NAALADL2: variants seen among roughly 807,000 people sequenced by gnomAD.
NAALADL2 encodes inactive N-acetylated-alpha-linked acidic dipeptidase-like protein 2.
A neutral mutation model predicts 87.2 loss-of-function variants in NAALADL2; 76 were observed. The observed-to-expected ratio is 0.87, with a 90% confidence interval of 0.72 to 1.05. NAALADL2 has a LOEUF of 1.05. NAALADL2 is among the 50% of genes least tolerant of loss of function. The pLI is 0.00. For synonymous variants in NAALADL2, 354 were observed against 331.0 expected, an observed-to-expected ratio of 1.07 and a Z score of -0.75; for missense variants, 1,089 against 945.8, an observed-to-expected ratio of 1.15 and a Z score of -1.99.
At chr3:174,987,595 A>T (rs964331648) in intron 1 of NAALADL2, among the ~76,000 whole-genome samples, 2,968 of 141,966 alleles carry the variant, frequency 0.021, 230 homozygotes, top group African/African-American at 0.077. Context: ...AAAAAAAAAA[A>T]AAACAATACT....
intron 5 of NAALADL2, among the ~76,000 whole-genome samples, chr3:175,366,416 T>C (rs1214848393): frequency 6.6e-6 from 1 of 151,842 alleles, no homozygotes; most frequent in African/African-American, 2.4e-5. Flanking sequence ...TAGTTCTAGA[T>C]CCCTGAGAAA....
intron 4 of NAALADL2, among the ~76,000 whole-genome samples, chr3:175,314,194 G>C (rs931314959): frequency 1.3e-5 from 2 of 151,492 alleles, no homozygotes; most frequent in Non-Finnish European, 2.9e-5. Context: ...CTAGTACCAT[G>C]TATTTCAGAG....
At chr3:175,209,328 T>A (rs1049094898) in intron 2 of NAALADL2, among the ~76,000 whole-genome samples, 1 of 152,092 alleles carries the variant, frequency 6.6e-6, no homozygotes, top group Non-Finnish European at 1.5e-5. Context: ...GATGCTATAT[T>A]CCGTCTATCC....
intron 6 of NAALADL2, chr3:175,460,235 T>C: frequency 2.2e-6 from 1 of 454,792 alleles, no homozygotes; most frequent in Non-Finnish European, 4.4e-6. Context: ...AAATTTAAAA[T>C]GTGATCATGG....
At chr3:175,159,278 G>T (rs1732772785) in intron 2 of NAALADL2, among the ~76,000 whole-genome samples, 1 of 151,976 alleles carries the variant, frequency 6.6e-6, no homozygotes, top group Admixed American at 6.6e-5. Flanking sequence ...GAAAGTCTTG[G>T]GTTTGATTGA....
intron 13 of NAALADL2, among the ~76,000 whole-genome samples, chr3:175,789,661 T>C (rs550072618): frequency 6.6e-6 from 1 of 152,242 alleles, no homozygotes; most frequent in African/African-American, 2.4e-5. Context: ...CTTTTATTCT[T>C]CTCTATTTAG....
intron 3 of NAALADL2, among the ~76,000 whole-genome samples, chr3:174,779,924 T>TG (rs1334763628): frequency 2.2e-5 from 1 of 45,522 alleles, no homozygotes; most frequent in East Asian, 3.4e-4. Flanking sequence ...CCAGCTTTGT[T>TG]CTTTTGCTTA....
At chr3:174,720,995 T>C (rs1731662435) in intron 2 of NAALADL2, among the ~76,000 whole-genome samples, 1 of 152,238 alleles carries the variant, frequency 6.6e-6, no homozygotes, top group Non-Finnish European at 1.5e-5. Flanking sequence ...CAGACTGTTG[T>C]TGAATTTAAA....
At chr3:175,378,758 A>C (rs1767450665) in intron 5 of NAALADL2, among the ~76,000 whole-genome samples, 1 of 152,164 alleles carries the variant, frequency 6.6e-6, no homozygotes, top group African/African-American at 2.4e-5. Flanking sequence ...TCATTTCAGG[A>C]TTCAAAACAT....
chr3:175,390,713 A>T (rs1768966481), intron 5 of NAALADL2, among the ~76,000 whole-genome samples: 1 of 151,816 alleles, frequency 6.6e-6, no homozygotes, highest in African/African-American at 2.4e-5. Context: ...ATAAATAGAA[A>T]CTCCCTTTAT....
chr3:175,672,822 G>A (rs1734186294), intron 11 of NAALADL2, among the ~76,000 whole-genome samples: 1 of 152,086 alleles, frequency 6.6e-6, no homozygotes, highest in African/African-American at 2.4e-5. Context: ...TGATAATCTT[G>A]TAAATATAGC....
At position 175,342,004 on chromosome 3, in the gene NAALADL2, A is replaced by G. The variant is rs559147027; in HGVS notation, c.1090+17679A>G. Among the ~76,000 whole-genome samples the G allele has an allele frequency of 2.6e-5, 4 of 152,180 alleles. No homozygotes were observed. The South Asian group carries it at 8.3e-4, about 32-fold the overall frequency. ...CATAGATGTATGGGTTAATTTATGTATTATTTCTATTCATATTGATCTATA... is the reference window on the plus strand; with the variant it reads ...CATAGATGTATGGGTTAATTTATGTGTTATTTCTATTCATATTGATCTATA... On this transcript the variant is annotated intron_variant, in intron 5 of 13. Transcript: ENST00000454872.
At chr3:175,566,899 G>T in intron 9 of NAALADL2, among the ~76,000 whole-genome samples, 2 of 152,090 alleles carry the variant, frequency 1.3e-5, no homozygotes, top group Middle Eastern at 3.4e-3. Context: ...ATAATTTTAC[G>T]TAGTAGGACT....
intron 5 of NAALADL2, among the ~76,000 whole-genome samples, chr3:175,380,734 G>A (rs539666650): frequency 1.3e-5 from 2 of 152,064 alleles, no homozygotes; most frequent in East Asian, 1.9e-4. Flanking sequence ...TTGAGAAACT[G>A]CAAAAAATAT....
intron 9 of NAALADL2, among the ~76,000 whole-genome samples, chr3:175,532,411 G>C (rs1734207413): frequency 6.6e-6 from 1 of 152,160 alleles, no homozygotes; most frequent in South Asian, 2.1e-4. Context: ...TTCCTCAAGG[G>C]GACTTGGCTT....
Position 175,083,476 on chromosome 3 carries a change from A to AAAT in NAALADL2, c.44-13314_44-13313insAAT, listed in dbSNP as rs540022879. Among the ~76,000 whole-genome samples, 6 of 152,294 alleles carry AAAT rather than the reference A, an allele frequency of 3.9e-5. No individual in the cohort carries two copies. The South Asian group carries it at 6.2e-4, about 16-fold the overall frequency. ...TATTAATAACTAGTACTTAAACCAC[A>AAAT]CATTTATAAAATGATTTCATTTAGT... On this transcript the variant is annotated intron_variant, in intron 1 of 13. Coordinates refer to ENST00000454872, the MANE Select transcript of NAALADL2 (RefSeq NM_207015.3).
chr3:174,921,083 A>G (rs9836313), intron 1 of NAALADL2, among the ~76,000 whole-genome samples: 33,621 of 152,148 alleles, frequency 0.22, 3,904 homozygotes, highest in East Asian at 0.35. Context: ...TGAAGAAACT[A>G]AAAATATTGT....
intron 2 of NAALADL2, among the ~76,000 whole-genome samples, chr3:174,585,922 T>C (rs1716663784): frequency 6.6e-6 from 1 of 152,196 alleles, no homozygotes; most frequent in South Asian, 2.1e-4. Context: ...ACCTGCCCTA[T>C]GCTTCTATTT....
chr3:175,609,242 A>T (rs1724239740), intron 10 of NAALADL2, among the ~76,000 whole-genome samples: 1 of 152,210 alleles, frequency 6.6e-6, no homozygotes, highest in Non-Finnish European at 1.5e-5. Flanking sequence ...GTAGTCTGAA[A>T]CATTGGAAGC....
Sources: gnomAD v4.1 joint callset for allele counts (sites outside exome capture counted in the v4.1 genomes callset) on GRCh38, gnomAD v4.1.1 for gene constraint, MANE v1.5 for transcripts, NCBI Gene and HGNC (gene_info 2026-07-23, HGNC 2026-07-21) for gene names.